WWOX: variants seen among roughly 807,000 people sequenced by gnomAD.
The protein encoded by WWOX is WW domain containing oxidoreductase.
WWOX carries 69 observed loss-of-function variants against 46.2 expected under a neutral mutation model. That is an observed-to-expected ratio of 1.49 (90% CI 1.23 to 1.82). The LOEUF (loss-of-function observed/expected upper bound fraction) is 1.82. WWOX is among the 40% of genes most tolerant of loss of function. The pLI, the probability that WWOX is intolerant of heterozygous loss-of-function variation, is 0.00. For synonymous variants in WWOX, 359 were observed against 202.6 expected (o/e 1.77, Z -6.56); for missense variants, 919 against 542.6 (o/e 1.69, Z -6.89).
intron 4 of WWOX, among the ~76,000 whole-genome samples, chr16:78,134,577 A>G (rs985048054): frequency 6.6e-6 from 1 of 152,100 alleles, no homozygotes; most frequent in Non-Finnish European, 1.5e-5. Context: ...ATTTCTGTAC[A>G]TCAATATCTG....
At chr16:78,382,508 C>T (rs186830077) in intron 5 of WWOX, among the ~76,000 whole-genome samples, 4 of 152,206 alleles carry the variant, frequency 2.6e-5, no homozygotes, top group East Asian at 1.9e-4. Flanking sequence ...GGGGGTTGTT[C>T]CTTACTGAAG....
At chr16:78,678,426 A>C (rs2047654229) in intron 8 of WWOX, among the ~76,000 whole-genome samples, 1 of 152,240 alleles carries the variant, frequency 6.6e-6, no homozygotes, top group African/African-American at 2.4e-5. Context: ...GGATTATTTT[A>C]GTTTGGCCTC....
chr16:79,022,772 G>A (rs1047401287), intron 8 of WWOX, among the ~76,000 whole-genome samples: 3 of 152,226 alleles, frequency 2.0e-5, no homozygotes, highest in Non-Finnish European at 2.9e-5. Flanking sequence ...GGTGGCACAT[G>A]TCAGCGGCTT....
At chr16:78,255,796 T>C (rs1252360344) in intron 5 of WWOX, among the ~76,000 whole-genome samples, 2 of 152,196 alleles carry the variant, frequency 1.3e-5, no homozygotes, top group African/African-American at 2.4e-5. Flanking sequence ...CCAGTAGCTT[T>C]ATGAGGTCTT....
At chr16:78,946,571 A>G (rs114744081) in intron 8 of WWOX, among the ~76,000 whole-genome samples, 1,663 of 152,220 alleles carry the variant, frequency 0.011, 32 homozygotes, top group African/African-American at 0.038. Context: ...TTATTTACAC[A>G]ATGAAGAAAC....
rs188593621 is a variant in WWOX, at chr16:78,342,182, G to A, written c.517-44678G>A. Among the ~76,000 whole-genome samples the A allele has an allele frequency of 1.6e-5, 2 of 121,776 alleles. 1 individual carries two copies. The highest frequency in any genetic ancestry group is 3.9e-5 in the Non-Finnish European group (2 of 50,714). 79.9% of individuals were successfully genotyped at this position (121,776 alleles called of 152,430 possible). ...AGGCTGAATGCTTTATCAGAAAACTGTATTTGGAGGGGACCTTTCTGGGGT... is the reference window on the plus strand; with the variant it reads ...AGGCTGAATGCTTTATCAGAAAACTATATTTGGAGGGGACCTTTCTGGGGT... On this transcript the variant is annotated intron_variant, in intron 5 of 8. Transcript: ENST00000566780.
chr16:79,128,128 GAGA>G (rs2049798323), intron 8 of WWOX, among the ~76,000 whole-genome samples: 1 of 152,162 alleles, frequency 6.6e-6, no homozygotes, highest in Non-Finnish European at 1.5e-5. Context: ...AGGACCAGGA[GAGA>G]AGAAGAGATT....
chr16:78,209,750 AAAAAG>A (rs2036500757), intron 5 of WWOX, among the ~76,000 whole-genome samples: 1 of 152,110 alleles, frequency 6.6e-6, no homozygotes, highest in Non-Finnish European at 1.5e-5. Flanking sequence ...AAAAAAAAAA[AAAAAG>A]AAACCTTGAA....
At chr16:78,215,932 A>G (rs75081762) in intron 5 of WWOX, among the ~76,000 whole-genome samples, 12,734 of 151,666 alleles carry the variant, frequency 0.084, 708 homozygotes, top group Middle Eastern at 0.12. Context: ...AAAAAAAGAG[A>G]AAGAAAACAG....
chr16:78,708,502 G>A (rs576818089), intron 8 of WWOX, among the ~76,000 whole-genome samples: 3 of 152,204 alleles, frequency 2.0e-5, no homozygotes, highest in South Asian at 2.1e-4. Flanking sequence ...TGTATCAAGC[G>A]TTTACCATCT....
intron 8 of WWOX, among the ~76,000 whole-genome samples, chr16:78,644,187 A>T (rs529901136): frequency 1.3e-5 from 2 of 152,138 alleles, no homozygotes; most frequent in African/African-American, 4.8e-5. Context: ...ACGCCATTGC[A>T]CTCCAGCCTG....
intron 8 of WWOX, among the ~76,000 whole-genome samples, chr16:79,042,092 G>A (rs1032885811): frequency 3.0e-4 from 46 of 152,138 alleles, no homozygotes; most frequent in African/African-American, 1.1e-3. Flanking sequence ...CCAGGTGCCT[G>A]CACCTGCTTG....
chr16:78,318,272 ATTTT>A (rs34730954), intron 5 of WWOX, among the ~76,000 whole-genome samples: 2 of 123,548 alleles, frequency 1.6e-5, no homozygotes, highest in African/African-American at 3.2e-5. Flanking sequence ...TCTGGGAGGA[ATTTT>A]TTTTTTTTTT....
intron 8 of WWOX, among the ~76,000 whole-genome samples, chr16:78,850,964 C>T (rs1272599523): frequency 1.3e-5 from 2 of 152,168 alleles, no homozygotes; most frequent in Admixed American, 1.3e-4. Flanking sequence ...ACACCTCTCT[C>T]AGTATTCTGG....
At chr16:79,112,318 C>A (rs758989462) in intron 8 of WWOX, among the ~76,000 whole-genome samples, 2 of 152,198 alleles carry the variant, frequency 1.3e-5, no homozygotes, top group African/African-American at 2.4e-5. Flanking sequence ...TGTCAAGTCA[C>A]CAAACCTTCA....
chr16:78,559,261 T>C (rs138176802), intron 8 of WWOX, among the ~76,000 whole-genome samples: 1 of 152,284 alleles, frequency 6.6e-6, no homozygotes, highest in African/African-American at 2.4e-5. Context: ...GCATGTATTT[T>C]AGAAAGAGCC....
intron 4 of WWOX, chr16:78,124,168 A>G (rs752565101): frequency 3.3e-5 from 5 of 152,154 alleles, no homozygotes; most frequent in Non-Finnish European, 5.9e-5. Context: ...ACTTTTATTT[A>G]TATAATTTTT....
At position 79,165,714 on chromosome 16, in the gene WWOX, C is replaced by G. The variant is rs145878263; in HGVS notation, c.1057-45894C>G. Among the ~76,000 whole-genome samples the G allele has an allele frequency of 3.1e-3, 471 of 152,230 alleles. 1 individual carries two copies. Among genetic ancestry groups the G allele is most frequent in the African/African-American group, 0.011 (444 of 41,518 alleles). On this transcript the variant is annotated intron_variant, in intron 8 of 8. Coordinates refer to ENST00000566780, the MANE Select transcript of WWOX (RefSeq NM_016373.4). ...CCATGATTTCTTATTTGACTCTGTC[C>G]TGTTTACTCTGTCAGGGTGAAAAGC...
chr16:79,208,543 G>T (rs1373471037), intron 8 of WWOX, among the ~76,000 whole-genome samples: 1 of 152,128 alleles, frequency 6.6e-6, no homozygotes, highest in South Asian at 2.1e-4. Flanking sequence ...CCTTTAGATG[G>T]CTCTTTCATC....
Sources: allele counts gnomAD v4.1 joint callset (sites outside exome capture counted in the v4.1 genomes callset), GRCh38; gene constraint gnomAD v4.1.1; transcripts MANE v1.5; gene names NCBI Gene and HGNC (gene_info 2026-07-23, HGNC 2026-07-21).